Variants in FRMD4A observed in about 807,000 individuals in gnomAD.
FRMD4A encodes the protein FERM domain containing 4A, also known as FERM domain-containing protein 4A.
Under a neutral mutation model 129.1 loss-of-function variants are expected in FRMD4A, and 29 were observed. The ratio of observed to expected loss-of-function variants is 0.22; its 90% confidence interval spans 0.17 to 0.31. The LOEUF (loss-of-function observed/expected upper bound fraction) is 0.31. FRMD4A is among the 10% of genes least tolerant of loss of function. FRMD4A has a pLI of 1.00. For missense variants in FRMD4A, 1,272 were observed against 1,375.8 expected (o/e 0.92, Z 1.19); for synonymous variants, 634 against 571.6 (o/e 1.11, Z -1.56).
At chr10:14,174,572 C>A (rs1033255355) in intron 2 of FRMD4A, among the ~76,000 whole-genome samples, 1 of 134,100 alleles carries the variant, frequency 7.5e-6, no homozygotes, top group Admixed American at 7.3e-5. Flanking sequence ...ATTCGTTCAT[C>A]ATTCCTTCCT....
intron 2 of FRMD4A, among the ~76,000 whole-genome samples, chr10:14,127,948 T>TTCTC (rs1564319074): frequency 5.3e-5 from 1 of 18,822 alleles, no homozygotes; most frequent in African/African-American, 3.4e-4. Flanking sequence ...CTTTCTTTCT[T>TTCTC]TCTTTCTTTC....
chr10:14,307,609 G>C (rs567095707), intron 2 of FRMD4A, among the ~76,000 whole-genome samples: 1 of 152,196 alleles, frequency 6.6e-6, no homozygotes, highest in Non-Finnish European at 1.5e-5. Flanking sequence ...AAACCTACAG[G>C]CAAGAAACAA....
chr10:13,852,505 G>A (rs1366372415), intron 3 of FRMD4A, among the ~76,000 whole-genome samples: 1 of 152,054 alleles, frequency 6.6e-6, no homozygotes, highest in Non-Finnish European at 1.5e-5. Flanking sequence ...TTACAGGCAT[G>A]AGCCACCACA....
intron 2 of FRMD4A, among the ~76,000 whole-genome samples, chr10:13,886,994 C>T (rs548682056): frequency 2.0e-5 from 3 of 152,246 alleles, no homozygotes; most frequent in African/African-American, 7.2e-5. Flanking sequence ...ATGGATGTAC[C>T]AATGCTCCTG....
At chr10:13,658,743 G>A (rs1027708973) in intron 21 of FRMD4A, among the ~76,000 whole-genome samples, 13 of 152,098 alleles carry the variant, frequency 8.5e-5, no homozygotes, top group African/African-American at 2.7e-4. Context: ...TTAGCCAGGC[G>A]TGGTGGTAGG....
At chr10:13,826,612 C>A (rs989311797) in intron 3 of FRMD4A, among the ~76,000 whole-genome samples, 12 of 152,258 alleles carry the variant, frequency 7.9e-5, no homozygotes, top group Admixed American at 1.3e-4. Flanking sequence ...CCCTGTGAAT[C>A]CTCTCCCTAA....
intron 2 of FRMD4A, among the ~76,000 whole-genome samples, chr10:14,048,880 TAGAATAGAATAGAATAGAATAGAAA>T (rs1834118726): frequency 8.8e-6 from 1 of 113,030 alleles, no homozygotes; most frequent in African/African-American, 4.0e-5. Flanking sequence ...TAGAATAGAA[TAGAATAGAATAGAATAGAATAGAAA>T]ATAAAATGAA....
At chr10:13,746,472 CA>C (rs1365123737) in intron 9 of FRMD4A, among the ~76,000 whole-genome samples, 2 of 152,000 alleles carry the variant, frequency 1.3e-5, no homozygotes. Flanking sequence ...CATGGCCTCC[CA>C]AAGTGCTGGG....
intron 12 of FRMD4A, among the ~76,000 whole-genome samples, chr10:13,730,571 C>A (rs1333718930): frequency 6.6e-6 from 1 of 152,162 alleles, no homozygotes; most frequent in Non-Finnish European, 1.5e-5. Flanking sequence ...CTGACACTGT[C>A]TCATTGTCTC....
chr10:13,711,776 G>A (rs2134925426), intron 12 of FRMD4A: 1 of 152,322 alleles, frequency 6.6e-6, no homozygotes, highest in South Asian at 2.1e-4. Flanking sequence ...GATCAAGTGG[G>A]AAATTTACTT....
At position 13,999,424 on chromosome 10, in the gene FRMD4A, G is replaced by C. The variant is rs535700036; in HGVS notation, c.46-140512C>G. 2.6e-5 allele frequency among the ~76,000 whole-genome samples: 4 copies of C among 152,264 alleles called. No homozygotes were observed. In the South Asian group the frequency reaches 8.3e-4, roughly 32 times the overall value. ...ATTCCCAGGGATATCTGTATTCTGG[G>C]ACTGATTCTGTGTGGTTGGACTAGG... On this transcript the variant is annotated intron_variant, in intron 2 of 24. Transcript: ENST00000357447.
intron 2 of FRMD4A, among the ~76,000 whole-genome samples, chr10:14,305,811 A>G (rs7085882): frequency 0.36 from 54,104 of 152,162 alleles, 11,852 homozygotes; most frequent in East Asian, 0.55. Flanking sequence ...AAAGAAAGAG[A>G]TCGTATCCTT....
chr10:13,999,202 T>C (rs141741590), intron 2 of FRMD4A, among the ~76,000 whole-genome samples: 46 of 152,226 alleles, frequency 3.0e-4, no homozygotes, highest in African/African-American at 1.1e-3. Flanking sequence ...ATAACCATGC[T>C]GCACGCTCCG....
chr10:14,295,400 G>A (rs536264517), intron 2 of FRMD4A, among the ~76,000 whole-genome samples: 17 of 152,278 alleles, frequency 1.1e-4, no homozygotes, highest in Non-Finnish European at 2.2e-4. Flanking sequence ...AGCTGATTTT[G>A]TTTCTGTTTT....
intron 2 of FRMD4A, among the ~76,000 whole-genome samples, chr10:13,924,265 A>C (rs1169739965): frequency 6.6e-6 from 1 of 152,176 alleles, no homozygotes; most frequent in African/African-American, 2.4e-5. Context: ...GCCAGATCAC[A>C]TTACACTCCA....
chr10:14,135,474 G>A (rs548679256), intron 2 of FRMD4A, among the ~76,000 whole-genome samples: 2 of 152,304 alleles, frequency 1.3e-5, no homozygotes, highest in East Asian at 3.9e-4. Context: ...CTTCCACCAT[G>A]TGGCTGCGTT....
chr10:14,290,963 G>T (rs1845833611), intron 2 of FRMD4A, among the ~76,000 whole-genome samples: 3 of 151,998 alleles, frequency 2.0e-5, no homozygotes, highest in Non-Finnish European at 4.4e-5. Context: ...TGTAATTACT[G>T]GACATTTCAG....
rs1198539300 is a variant in FRMD4A at position 14,088,702 on chromosome 10, C to T, written c.46-229790G>A. The stretch of plus-strand genomic sequence containing the variant: ...AGAATGCCATGAACCTGGGAGCTTG[C>T]ATGAACCCAGGAGGCGGAGCTTGCC... On this transcript the variant is annotated intron_variant, in intron 2 of 24. Coordinates refer to ENST00000357447, the MANE Select transcript of FRMD4A (RefSeq NM_018027.5). Among the ~76,000 whole-genome samples, 3 of 143,206 alleles carry T rather than the reference C, an allele frequency of 2.1e-5. No homozygotes were observed. In the East Asian group the frequency reaches 6.4e-4, roughly 30 times the overall value. The allele number at this position is 143,206 out of a possible 152,430, so 93.9% of individuals were successfully genotyped here. A position where few individuals can be genotyped will look rare whatever the true frequency, so the allele number is the denominator to read the frequency against.
chr10:14,290,892 G>A (rs140721523), intron 2 of FRMD4A, among the ~76,000 whole-genome samples: 174 of 152,152 alleles, frequency 1.1e-3, no homozygotes, highest in African/African-American at 3.8e-3. Flanking sequence ...ACAATGGCTG[G>A]CAAATAGGAA....
Sources: gnomAD v4.1 joint callset for allele counts (sites outside exome capture counted in the v4.1 genomes callset) on GRCh38, gnomAD v4.1.1 for gene constraint, MANE v1.5 for transcripts, NCBI Gene and HGNC (gene_info 2026-07-23, HGNC 2026-07-21) for gene names.